Variants in SMYD3 observed in about 807,000 individuals in gnomAD.
SMYD3 encodes the protein SET and MYND domain containing 3, also known as histone-lysine N-methyltransferase SMYD3.
In SMYD3, 36 loss-of-function variants were observed where a neutral mutation model predicts 57.7. The ratio of observed to expected loss-of-function variants is 0.62; its 90% CI spans 0.48 to 0.82. The LOEUF (loss-of-function observed/expected upper bound fraction) is 0.82, where lower values mean the gene tolerates loss of function less well. SMYD3 is among the 40% of genes least tolerant of loss of function. SMYD3 has a pLI of 0.00. For missense variants in SMYD3, 515 were observed against 538.8 expected (o/e 0.96, Z 0.44); for synonymous variants, 211 against 195.0 (o/e 1.08, Z -0.68).
chr1:245,886,952 G>C lies in SMYD3; in HGVS notation c.814-23066C>G, dbSNP rs903424909. Among the ~76,000 whole-genome samples the C allele has an allele frequency of 2.0e-5, 3 of 152,074 alleles. No homozygotes were observed. In the South Asian group the frequency reaches 6.2e-4, roughly 32 times the overall value. The stretch of plus-strand genomic sequence containing the variant: ...CTCCAGCAATACTAAACCATTAGCT[G>C]TTCCCTGATGCGCCATATTCTCTCA... On this transcript the variant is annotated intron_variant, in intron 8 of 11. Coordinates refer to ENST00000490107, the MANE Select transcript of SMYD3 (RefSeq NM_001167740.2).
intron 9 of SMYD3, among the ~76,000 whole-genome samples, chr1:245,860,208 C>T (rs2051462598): frequency 6.6e-6 from 1 of 152,214 alleles, no homozygotes; most frequent in East Asian, 1.9e-4. Context: ...CCTTTACAAT[C>T]CATGCTCTCT....
At chr1:245,974,507 C>A (rs1244189741) in intron 5 of SMYD3, among the ~76,000 whole-genome samples, 1 of 148,310 alleles carries the variant, frequency 6.7e-6, no homozygotes, top group Non-Finnish European at 1.5e-5. Flanking sequence ...TCGTCTCCGG[C>A]CCAGGGAAAG....
intron 10 of SMYD3, among the ~76,000 whole-genome samples, chr1:245,832,023 C>A (rs926547243): frequency 1.3e-5 from 2 of 152,182 alleles, no homozygotes; most frequent in Non-Finnish European, 2.9e-5. Context: ...GAGGCCTTTG[C>A]CAACTTTGTC....
intron 5 of SMYD3, among the ~76,000 whole-genome samples, chr1:245,999,204 T>C (rs763874128): frequency 6.7e-6 from 1 of 150,024 alleles, no homozygotes; most frequent in Non-Finnish European, 1.5e-5. Flanking sequence ...AACCAAACTA[T>C]AAAGAAGAAA....
intron 10 of SMYD3, among the ~76,000 whole-genome samples, chr1:245,857,779 C>T (rs949657144): frequency 1.4e-3 from 209 of 152,276 alleles, no homozygotes; most frequent in East Asian, 1.5e-3. Context: ...ATGTTCTCAG[C>T]CGACTGCAAA....
chr1:246,014,672 T>C (rs541196342), intron 5 of SMYD3, among the ~76,000 whole-genome samples: 1 of 152,312 alleles, frequency 6.6e-6, no homozygotes, highest in South Asian at 2.1e-4. Flanking sequence ...TTTGGACTTG[T>C]AGATAACTTC....
intron 5 of SMYD3, among the ~76,000 whole-genome samples, chr1:246,089,034 A>G (rs948073285): frequency 6.6e-6 from 1 of 152,082 alleles, no homozygotes; most frequent in Non-Finnish European, 1.5e-5. Context: ...CTCAGGCTGG[A>G]GTGCAGTGGC....
At chr1:246,397,847 T>A (rs1341088176) in intron 1 of SMYD3, among the ~76,000 whole-genome samples, 3 of 146,044 alleles carry the variant, frequency 2.1e-5, no homozygotes, top group African/African-American at 5.1e-5. Context: ...ATCATAGGGG[T>A]GTAGAAAACA....
rs184780106 is a variant in SMYD3, at chr1:245,881,631, T to C, written c.814-17745A>G. The stretch of plus-strand genomic sequence containing the variant: ...AGGACAAAATACAGAACAAGACTGA[T>C]AGGGTCATTAGTACTTTCCTAACAA... On this transcript the variant is annotated intron_variant, in intron 8 of 11. Transcript: ENST00000490107. 5.9e-5 allele frequency among the ~76,000 whole-genome samples: 9 copies of C among 152,296 alleles called. No individual in the cohort carries two copies. The East Asian group carries it at 1.5e-3, about 26-fold the overall frequency.
intron 5 of SMYD3, among the ~76,000 whole-genome samples, chr1:246,106,955 G>A (rs926742328): frequency 3.9e-5 from 6 of 152,078 alleles, no homozygotes; most frequent in African/African-American, 1.2e-4. Flanking sequence ...TGGTGTGAAC[G>A]TGAAAAAAGA....
intron 8 of SMYD3, among the ~76,000 whole-genome samples, chr1:245,899,012 T>C (rs932927888): frequency 6.6e-6 from 1 of 152,218 alleles, no homozygotes; most frequent in African/African-American, 2.4e-5. Context: ...TTATACTTGC[T>C]ATTAAAAGGG....
intron 10 of SMYD3, among the ~76,000 whole-genome samples, chr1:245,798,460 A>T (rs900336773): frequency 1.5e-3 from 129 of 87,504 alleles, no homozygotes; most frequent in African/African-American, 9.4e-3. Flanking sequence ...ATATGCACAC[A>T]CATACACACA....
chr1:245,844,563 CG>C (rs1335759054), intron 10 of SMYD3, among the ~76,000 whole-genome samples: 3 of 150,922 alleles, frequency 2.0e-5, no homozygotes, highest in African/African-American at 7.3e-5. Context: ...GATCAGGATC[CG>C]GTTTTCCTCT....
chr1:245,985,539 C>T (rs1287616331), intron 5 of SMYD3, among the ~76,000 whole-genome samples: 1 of 152,116 alleles, frequency 6.6e-6, no homozygotes, highest in African/African-American at 2.4e-5. Flanking sequence ...CAAGCACAAT[C>T]ACAGTTCAGA....
chr1:245,763,650 GC>G (rs769900368), intron 11 of SMYD3, among the ~76,000 whole-genome samples: 9 of 152,176 alleles, frequency 5.9e-5, no homozygotes, highest in Admixed American at 1.3e-4. Context: ...TCAAGGGCTT[GC>G]CACGCGAGGG....
At chr1:245,796,699 A>C (rs535589079) in intron 10 of SMYD3, among the ~76,000 whole-genome samples, 26 of 152,336 alleles carry the variant, frequency 1.7e-4, no homozygotes, top group Non-Finnish European at 2.4e-4. Flanking sequence ...ACTCTTGCAT[A>C]TTCTCATGTG....
intron 1 of SMYD3, among the ~76,000 whole-genome samples, chr1:246,392,035 C>A (rs1454578257): frequency 6.6e-6 from 1 of 152,226 alleles, no homozygotes; most frequent in Non-Finnish European, 1.5e-5. Flanking sequence ...TTCACCGAAG[C>A]TTGCAAATAC....
chr1:246,081,395 T>G (rs1332143403), intron 5 of SMYD3, among the ~76,000 whole-genome samples: 1 of 151,530 alleles, frequency 6.6e-6, no homozygotes, highest in Non-Finnish European at 1.5e-5. Flanking sequence ...CTAGTTTTTC[T>G]TTTTTTCTTT....
rs959185873 is a variant in SMYD3 at position 246,387,746 on chromosome 1, T to G, written c.165-32652A>C. On this transcript the variant is annotated intron_variant, in intron 1 of 11. Coordinates refer to ENST00000490107, the MANE Select transcript of SMYD3 (RefSeq NM_001167740.2). ...TGTGGAGAAGTCAGTAATTTGTTAC[T>G]ATATAAAACAACTATAAAATTTGGA... Among the ~76,000 whole-genome samples the G allele has an allele frequency of 2.0e-5, 3 of 152,252 alleles. 1 individual carries two copies. Among genetic ancestry groups the G allele is most frequent in the African/African-American group, 7.2e-5 (3 of 41,470 alleles).
Sources: gnomAD v4.1 joint callset for allele counts (sites outside exome capture counted in the v4.1 genomes callset) on GRCh38, gnomAD v4.1.1 for gene constraint, MANE v1.5 for transcripts, NCBI Gene and HGNC (gene_info 2026-07-23, HGNC 2026-07-21) for gene names.